The following PEAK1 variants were observed in gnomAD, a reference collection of about 807,000 sequenced individuals.
PEAK1 encodes the protein inactive tyrosine-protein kinase PEAK1.
PEAK1 carries 54 observed loss-of-function variants against 124.7 expected under a neutral mutation model. That is an observed-to-expected ratio of 0.43 (90% CI 0.35 to 0.54). The LOEUF is 0.54. PEAK1 is among the 20% of genes least tolerant of loss of function. The probability of loss-of-function intolerance (pLI) is 0.01; values close to 1 mark genes in which losing one functional copy is unlikely to be tolerated. For synonymous variants in PEAK1, 719 were observed against 760.0 expected (o/e 0.95, Z 0.89); for missense variants, 2,046 against 2,134.5 (o/e 0.96, Z 0.82).
intron 1 of PEAK1, among the ~76,000 whole-genome samples, chr15:77,406,138 G>C (rs2071797176): frequency 6.6e-6 from 1 of 152,148 alleles, no homozygotes; most frequent in Non-Finnish European, 1.5e-5. Flanking sequence ...ATCTGGAAAC[G>C]AACGAGCTCT....
At chr15:77,199,466 G>C (rs1321418780) in intron 6 of PEAK1, among the ~76,000 whole-genome samples, 4 of 152,160 alleles carry the variant, frequency 2.6e-5, no homozygotes, top group Non-Finnish European at 5.9e-5. Context: ...CTCTGATAGA[G>C]AGAACACCAT....
chr15:77,388,284 A>G (rs959775733), intron 1 of PEAK1, among the ~76,000 whole-genome samples: 6 of 152,226 alleles, frequency 3.9e-5, no homozygotes, highest in East Asian at 3.8e-4. Flanking sequence ...AAGTTTAAAC[A>G]TGAAAATGTT....
chr15:77,253,839 TTTGAGA>T (rs1342868632), intron 5 of PEAK1, among the ~76,000 whole-genome samples: 1 of 152,192 alleles, frequency 6.6e-6, no homozygotes, highest in Non-Finnish European at 1.5e-5. Context: ...TTTCTATTTT[TTTGAGA>T]TAGAGTTTTG....
At chr15:77,361,244 C>T (rs573661171) in intron 2 of PEAK1, among the ~76,000 whole-genome samples, 25 of 152,174 alleles carry the variant, frequency 1.6e-4, no homozygotes, top group Admixed American at 1.5e-3. Flanking sequence ...AAGACATATA[C>T]CAGCCTGGGC....
intron 1 of PEAK1, among the ~76,000 whole-genome samples, chr15:77,386,888 T>C (rs1338828370): frequency 1.3e-5 from 2 of 152,128 alleles, no homozygotes; most frequent in African/African-American, 2.4e-5. Flanking sequence ...AACAGAAATA[T>C]ACTGGAAATC....
chr15:77,238,299 T>C (rs2060209641), intron 6 of PEAK1, among the ~76,000 whole-genome samples: 1 of 152,176 alleles, frequency 6.6e-6, no homozygotes, highest in Non-Finnish European at 1.5e-5. Flanking sequence ...ATAGGATTAT[T>C]GCTGGTTGCT....
rs913416829 is a variant in PEAK1, at chr15:77,347,704, A to G, written c.-603+17459T>C. On this transcript the variant is annotated intron_variant, in intron 2 of 9. Transcript: ENST00000682557. ...AAACAGAAATTTTTAGAAATTACAGAAAATATTTCCATGTTTAAAACTCTT... is the reference window on the plus strand; with the variant it reads ...AAACAGAAATTTTTAGAAATTACAGGAAATATTTCCATGTTTAAAACTCTT... The G allele has an allele frequency of 1.0e-5, 10 of 972,852 alleles. No homozygotes were observed. In the African/African-American group the frequency reaches 1.6e-4, roughly 15 times the overall value. 60.3% of individuals were successfully genotyped at this position (972,852 alleles called of 1,614,324 possible). A position where few individuals can be genotyped will look rare whatever the true frequency, so the allele number is the denominator to read the frequency against.
chr15:77,114,079 G>A lies in PEAK1; in HGVS notation c.*77C>T. ...CCTTTCTTCTTTCCTTGAATTTGGA[G>A]TGAGCACTAGGGAGGGGAAGTGCAT... is the stretch of plus-strand genomic sequence containing the variant. On this transcript the variant is annotated 3_prime_UTR_variant, in exon 10 of 10. Coordinates refer to ENST00000682557, the MANE Select transcript of PEAK1 (RefSeq NM_001385026.1). 2.1e-6 allele frequency: 3 copies of A among 1,444,888 alleles called. No homozygotes were observed. The highest frequency in any genetic ancestry group is 1.3e-5 in the South Asian group (1 of 79,004). The allele number at this position is 1,444,888 out of a possible 1,614,324, so 89.5% of individuals were successfully genotyped here. A position where few individuals can be genotyped will look rare whatever the true frequency, so the allele number is the denominator to read the frequency against.
At chr15:77,118,134 C>T (rs2051563802) in intron 9 of PEAK1, among the ~76,000 whole-genome samples, 1 of 152,100 alleles carries the variant, frequency 6.6e-6, no homozygotes, top group Non-Finnish European at 1.5e-5. Flanking sequence ...AATACATAGA[C>T]AGGTTGAAGA....
At chr15:77,354,878 A>G (rs955096479) in intron 2 of PEAK1, among the ~76,000 whole-genome samples, 2 of 152,098 alleles carry the variant, frequency 1.3e-5, no homozygotes, top group African/African-American at 4.8e-5. Context: ...TCTCTACTAA[A>G]AATACAAAAA....
chr15:77,163,897 T>A (rs866064508), intron 7 of PEAK1, among the ~76,000 whole-genome samples: 5 of 152,168 alleles, frequency 3.3e-5, no homozygotes, highest in Non-Finnish European at 7.4e-5. Flanking sequence ...CTAAAGCACA[T>A]TAGAAACAAA....
chr15:77,300,299 G>A (rs185865845), intron 2 of PEAK1, among the ~76,000 whole-genome samples: 1 of 152,332 alleles, frequency 6.6e-6, no homozygotes, highest in East Asian at 1.9e-4. Context: ...GAACAGCAAG[G>A]TTGACTACAG....
At chr15:77,104,793 AC>A (rs1407194464), downstream of PEAK1, 1 of 152,062 alleles carries the variant, frequency 6.6e-6, no homozygotes, top group African/African-American at 2.4e-5. Context: ...GGGCAAACAA[AC>A]CCTCTCTGAC....
intron 6 of PEAK1, among the ~76,000 whole-genome samples, chr15:77,191,676 T>C (rs1402770611): frequency 5.9e-5 from 9 of 152,006 alleles, no homozygotes; most frequent in Non-Finnish European, 8.8e-5. Context: ...CAGGAAGGAG[T>C]TGCTGAGCAA....
intron 6 of PEAK1, among the ~76,000 whole-genome samples, chr15:77,196,160 A>T (rs944768752): frequency 6.6e-6 from 1 of 152,224 alleles, no homozygotes; most frequent in African/African-American, 2.4e-5. Flanking sequence ...GAGGCTCTTG[A>T]TCCAACTCCC....
intron 2 of PEAK1, among the ~76,000 whole-genome samples, chr15:77,287,513 T>C (rs1167596620): frequency 6.6e-6 from 1 of 152,224 alleles, no homozygotes; most frequent in South Asian, 2.1e-4. Flanking sequence ...CTCCTTTTAA[T>C]AGTAATTAGG....
intron 9 of PEAK1, 53 bp from the exon 10 acceptor site, chr15:77,115,372 A>G: frequency 6.6e-7 from 1 of 1,504,074 alleles, no homozygotes; most frequent in South Asian, 1.2e-5. Flanking sequence ...CAGGTTTATG[A>G]TGTATCAGGG....
chr15:77,378,013 T>C (rs2069166655), intron 1 of PEAK1, among the ~76,000 whole-genome samples: 1 of 152,070 alleles, frequency 6.6e-6, no homozygotes, highest in Admixed American at 6.6e-5. Context: ...ACAACGCCTA[T>C]GAGACTGGGC....
intron 8 of PEAK1, among the ~76,000 whole-genome samples, chr15:77,142,505 G>C (rs547050059): frequency 1.8e-4 from 27 of 152,250 alleles, no homozygotes; most frequent in Admixed American, 1.5e-3. Context: ...AACTTTATAT[G>C]CAAATGTTCA....
Sources: allele counts gnomAD v4.1 joint callset (sites outside exome capture counted in the v4.1 genomes callset), GRCh38; gene constraint gnomAD v4.1.1; transcripts MANE v1.5; gene names NCBI Gene and HGNC (gene_info 2026-07-23, HGNC 2026-07-21).